The following CCNH variants were observed in gnomAD, a reference collection of about 807,000 sequenced individuals.
The protein encoded by CCNH is cyclin H.
In CCNH, 31 loss-of-function variants were observed where a neutral mutation model predicts 41.9. The observed-to-expected ratio is 0.74, with a 90% CI of 0.56 to 1.00. The LOEUF (loss-of-function observed/expected upper bound fraction) is 1.00, where lower values mean the gene tolerates loss of function less well. Ranked by LOEUF, CCNH falls within the 50% of genes least tolerant of loss-of-function variation. The probability of loss-of-function intolerance (pLI) is 0.00; values close to 1 mark genes in which losing one functional copy is unlikely to be tolerated. For missense variants in CCNH, 362 were observed against 388.4 expected, an observed-to-expected ratio of 0.93 and a Z score of 0.57; for synonymous variants, 138 against 136.1, an observed-to-expected ratio of 1.01 and a Z score of -0.10.
intron 5 of CCNH, 112 bp from the exon 6 acceptor site, chr5:87,401,884 A>G (rs1182015582): frequency 3.5e-6 from 2 of 575,124 alleles, no homozygotes; most frequent in Non-Finnish European, 2.9e-6. Context: ...AAAATTTTTA[A>G]ATTTATGAAT....
chr5:87,377,333 C>T (rs1325400404), upstream of CCNH, among the ~76,000 whole-genome samples: 1 of 151,840 alleles, frequency 6.6e-6, no homozygotes, highest in Admixed American at 6.6e-5. Context: ...TCTGTATTCT[C>T]TTGTTTTTTA....
rs1060503441 is a variant in CCNH, at chr5:87,331,416, GTTATC to G, written c.*91-12524_*91-12520del. The G allele has an allele frequency of 6.2e-7, 1 of 1,613,764 alleles. No homozygotes were observed. Among genetic ancestry groups the G allele is most frequent in the Non-Finnish European group, 8.5e-7 (1 of 1,179,712 alleles). On this transcript the variant is annotated intron_variant and NMD_transcript_variant, in intron 9 of 9. Coordinates refer to the CCNH transcript ENST00000645953. ...CTCAGGCAGGCAGGGAAGTCTGGCA[GTTATC>G]TTATAAGAGAGAGTGATCGGAGGCC...
downstream of CCNH, chr5:87,390,732 C>T: frequency 7.6e-7 from 1 of 1,322,770 alleles, no homozygotes; most frequent in Non-Finnish European, 1.1e-6. Context: ...TTTTTCAAAT[C>T]CAGGTTCCCA....
chr5:87,410,981 C>T (rs982618384), intron 2 of CCNH, among the ~76,000 whole-genome samples: 1 of 152,000 alleles, frequency 6.6e-6, no homozygotes, highest in Non-Finnish European at 1.5e-5. Flanking sequence ...TTTTTTCTTT[C>T]TTTATGACAT....
At chr5:87,333,739 T>A (rs1757760039) in intron 9 of CCNH, among the ~76,000 whole-genome samples, 1 of 152,114 alleles carries the variant, frequency 6.6e-6, no homozygotes, top group Non-Finnish European at 1.5e-5. Context: ...ATGCAACATG[T>A]TAGTTTGTGG....
At chr5:87,329,657 A>G (rs1757471102) in intron 9 of CCNH, among the ~76,000 whole-genome samples, 1 of 152,154 alleles carries the variant, frequency 6.6e-6, no homozygotes, top group Non-Finnish European at 1.5e-5. Context: ...TTAACAAATA[A>G]CAAGTATATA....
chr5:87,371,780 G>T (rs1360672443), downstream of CCNH, among the ~76,000 whole-genome samples: 1 of 152,034 alleles, frequency 6.6e-6, no homozygotes, highest in Non-Finnish European at 1.5e-5. Context: ...TAATTATACA[G>T]TTAATTTCCC....
At position 87,376,903 on chromosome 5, in the gene CCNH, A is replaced by G. The variant is rs1403332745; in HGVS notation, n.278T>C. Reference sequence around the variant, plus strand: ...TAGCTTATACTGCAAAAGGAACTTCATGTAGTCTATGCTTTATCACATGTA... The same window carrying G: ...TAGCTTATACTGCAAAAGGAACTTCGTGTAGTCTATGCTTTATCACATGTA... On this transcript the variant is annotated non_coding_transcript_exon_variant, in exon 1 of 1. Transcript: ENST00000607486. 6.2e-7 allele frequency: 1 copy of G among 1,608,788 alleles called. No homozygotes were observed. Among genetic ancestry groups the G allele is most frequent in the African/African-American group, 1.3e-5 (1 of 74,938 alleles).
intron 9 of CCNH, among the ~76,000 whole-genome samples, chr5:87,338,866 T>C (rs1370908502): frequency 1.3e-5 from 2 of 152,122 alleles, no homozygotes; most frequent in African/African-American, 4.8e-5. Context: ...CACATGGTTC[T>C]ACATTTTGAA....
intron 9 of CCNH, among the ~76,000 whole-genome samples, chr5:87,369,561 A>G (rs552321769): frequency 1.3e-5 from 2 of 152,212 alleles, no homozygotes; most frequent in East Asian, 3.9e-4. Context: ...TTTCTAATGT[A>G]TTTTACAATT....
chr5:87,402,658 T>C (rs1763502637), intron 5 of CCNH, among the ~76,000 whole-genome samples: 1 of 152,162 alleles, frequency 6.6e-6, no homozygotes, highest in East Asian at 1.9e-4. Context: ...CTGTTTGATA[T>C]TACATCATCA....
At chr5:87,356,996 TTGAA>T (rs750362723) in intron 9 of CCNH, among the ~76,000 whole-genome samples, 6 of 152,326 alleles carry the variant, frequency 3.9e-5, no homozygotes, top group Admixed American at 2.0e-4. Context: ...TAAATATTGA[TTGAA>T]TGAATGATTC....
At chr5:87,326,163 C>T (rs541138054) in intron 9 of CCNH, among the ~76,000 whole-genome samples, 6 of 152,054 alleles carry the variant, frequency 3.9e-5, no homozygotes, top group South Asian at 2.1e-4. Context: ...GTAGAGATGG[C>T]GTTTTGCCAT....
chr5:87,340,502 G>A (rs1758355511), intron 9 of CCNH, among the ~76,000 whole-genome samples: 1 of 151,866 alleles, frequency 6.6e-6, no homozygotes, highest in Admixed American at 6.6e-5. Context: ...TTTAATGAGT[G>A]AGGACCAAAT....
At chr5:87,365,108 T>C (rs1760407262) in intron 9 of CCNH, among the ~76,000 whole-genome samples, 1 of 152,174 alleles carries the variant, frequency 6.6e-6, no homozygotes, top group African/African-American at 2.4e-5. Flanking sequence ...AGGTGGCTCT[T>C]GATTCTTGGA....
At chr5:87,397,317 G>A (rs998355030) in intron 7 of CCNH, among the ~76,000 whole-genome samples, 7 of 151,980 alleles carry the variant, frequency 4.6e-5, no homozygotes, top group Non-Finnish European at 5.9e-5. Context: ...CCACCACCAC[G>A]TCCAGCTGAT....
intron 9 of CCNH, chr5:87,341,216 G>A (rs1368098604): frequency 3.8e-5 from 34 of 896,420 alleles, no homozygotes; most frequent in Non-Finnish European, 5.1e-5. Flanking sequence ...TTGCAGATAC[G>A]ATTTTCATGA....
At chr5:87,330,326 AATAC>A (rs1292446189) in intron 9 of CCNH, among the ~76,000 whole-genome samples, 13 of 152,228 alleles carry the variant, frequency 8.5e-5, no homozygotes, top group South Asian at 6.2e-4. Context: ...TATTATATAA[AATAC>A]ATACATTATT....
At chr5:87,380,123 A>G (rs1008245816), upstream of CCNH, among the ~76,000 whole-genome samples, 1 of 152,228 alleles carries the variant, frequency 6.6e-6, no homozygotes, top group Admixed American at 6.5e-5. Context: ...ATTGTAAAAG[A>G]TATCTTGTCT....
Sources: gnomAD v4.1 joint callset for allele counts (sites outside exome capture counted in the v4.1 genomes callset) on GRCh38, gnomAD v4.1.1 for gene constraint, MANE v1.5 for transcripts, NCBI Gene and HGNC (gene_info 2026-07-23, HGNC 2026-07-21) for gene names.